TXNRD2: variants seen among roughly 807,000 people sequenced by gnomAD.
TXNRD2 encodes the protein thioredoxin reductase 2.
TXNRD2 carries 67 observed loss-of-function variants against 70.8 expected under a neutral mutation model. That is an observed-to-expected ratio of 0.95 (90% CI 0.78 to 1.16). The LOEUF (loss-of-function observed/expected upper bound fraction) is 1.16, where lower values mean the gene tolerates loss of function less well. Among genes scored for constraint, TXNRD2 ranks in the 50% most tolerant of loss-of-function variants. TXNRD2 has a pLI of 0.00. For synonymous variants in TXNRD2, 301 were observed against 295.8 expected, an observed-to-expected ratio of 1.02 and a Z score of -0.18; for missense variants, 644 against 719.9, an observed-to-expected ratio of 0.89 and a Z score of 1.21.
chr22:19,904,857 G>A (rs1393729622), intron 8 of TXNRD2, among the ~76,000 whole-genome samples: 3 of 152,212 alleles, frequency 2.0e-5, no homozygotes, highest in African/African-American at 7.2e-5. Context: ...ACCCGACTAC[G>A]GGAGGCACTC....
chr22:19,893,126 C>T (rs146897516), intron 11 of TXNRD2, among the ~76,000 whole-genome samples: 21 of 152,276 alleles, frequency 1.4e-4, no homozygotes, highest in African/African-American at 5.1e-4. Context: ...AGTGCATCAC[C>T]CTATGACACA....
chr22:19,918,238 A>C, intron 4 of TXNRD2, 21 bp from the exon 5 acceptor site: 4 of 1,611,646 alleles, frequency 2.5e-6, no homozygotes, highest in Non-Finnish European at 3.4e-6. Context: ...ACGAAACAAA[A>C]TGTAAAATCC....
chr22:19,896,420 CT>C (rs777084191), intron 10 of TXNRD2, among the ~76,000 whole-genome samples: 11 of 152,212 alleles, frequency 7.2e-5, no homozygotes, highest in Admixed American at 6.5e-5. Flanking sequence ...AGAAGCGTGC[CT>C]TCCCCCAGGA....
At chr22:19,917,139 A>C (rs1169793961) in intron 5 of TXNRD2, among the ~76,000 whole-genome samples, 1 of 152,220 alleles carries the variant, frequency 6.6e-6, no homozygotes, top group African/African-American at 2.4e-5. Flanking sequence ...GTGAAAAAGC[A>C]GAAACAGCCC....
intron 8 of TXNRD2, among the ~76,000 whole-genome samples, chr22:19,909,104 G>C (rs1417304568): frequency 6.6e-6 from 1 of 151,628 alleles, no homozygotes; most frequent in African/African-American, 2.4e-5. Flanking sequence ...TACTCAGAGG[G>C]CTGAGACAGG....
intron 8 of TXNRD2, among the ~76,000 whole-genome samples, chr22:19,904,131 C>T (rs925499765): frequency 3.9e-5 from 6 of 152,164 alleles, no homozygotes; most frequent in South Asian, 2.1e-4. Flanking sequence ...TGCGCCAGGG[C>T]GTGGCTATGG....
chr22:19,900,132 C>A (rs908829626), intron 8 of TXNRD2, among the ~76,000 whole-genome samples: 2 of 152,230 alleles, frequency 1.3e-5, no homozygotes, highest in African/African-American at 4.8e-5. Context: ...CAGAACCGCA[C>A]CACTGTCAGG....
intron 2 of TXNRD2, among the ~76,000 whole-genome samples, chr22:19,920,945 T>C (rs1829354299): frequency 6.6e-6 from 1 of 150,924 alleles, no homozygotes; most frequent in African/African-American, 2.5e-5. Flanking sequence ...TACTAAAAAA[T>C]ACAAAAACAA....
At chr22:19,918,781 A>C (rs1267776970) in intron 4 of TXNRD2, 79 bp downstream of exon 4, 1 of 1,566,008 alleles carries the variant, frequency 6.4e-7, no homozygotes, top group South Asian at 1.1e-5. Flanking sequence ...ATGAGGGCTC[A>C]TCGAGGATAA....
rs372803804 is a variant in TXNRD2 at position 19,919,573 on chromosome 22, C to T, written c.199G>A (p.Val67Met). ...EAAQLGRKVA[V>M]VDYVEPSPQG... ...GGAGAAGGTTCCACGTAGTCCACCA[C>T]GGCCACCTTCCTTCCCAGCTGGGCG... is the stretch of plus-strand genomic sequence containing the variant. Residue 67 changes from valine to methionine, a missense_variant, in exon 3 of 18, where the codon GTG becomes ATG. Around this residue, in one of 3 missense-constraint regions of TXNRD2, gnomAD observed 566 missense variants for 645.0 expected, o/e 0.88. Coordinates refer to ENST00000400521, the MANE Select transcript of TXNRD2 (RefSeq NM_006440.5). The T allele has an allele frequency of 6.3e-5, 99 of 1,564,224 alleles. No individual in the cohort carries two copies. Among genetic ancestry groups the T allele is most frequent in the African/African-American group, 3.9e-4 (29 of 73,636 alleles).
At chr22:19,940,439 C>A (rs1941671776) in intron 1 of TXNRD2, among the ~76,000 whole-genome samples, 1 of 151,968 alleles carries the variant, frequency 6.6e-6, no homozygotes, top group African/African-American at 2.4e-5. Context: ...TTGTTCTTTC[C>A]CTTAAAATAG....
At chr22:19,933,356 G>T in intron 1 of TXNRD2, 1 of 991,350 alleles carries the variant, frequency 1.0e-6, no homozygotes. Context: ...CCCCCGGGGA[G>T]CATGAACCTG....
chr22:19,897,623 C>T (rs898040819), intron 10 of TXNRD2, among the ~76,000 whole-genome samples: 1 of 152,202 alleles, frequency 6.6e-6, no homozygotes. Context: ...CCAGCTCACA[C>T]ATTACAGCTT....
chr22:19,880,376 G>A (rs993740657), intron 13 of TXNRD2, 105 bp from the exon 14 acceptor site: 26 of 1,226,434 alleles, frequency 2.1e-5, no homozygotes, highest in Admixed American at 3.9e-5. Flanking sequence ...GACCAGATGC[G>A]CCCAGAGCAG....
chr22:19,918,534 C>T (rs1002437564), intron 4 of TXNRD2, among the ~76,000 whole-genome samples: 1 of 151,984 alleles, frequency 6.6e-6, no homozygotes, highest in Non-Finnish European at 1.5e-5. Context: ...GCCACGTGGT[C>T]CCCTTCCCAG....
At chr22:19,911,353 C>A (rs764805175) in intron 8 of TXNRD2, 24 bp downstream of exon 8, 1 of 1,600,654 alleles carries the variant, frequency 6.2e-7, no homozygotes, top group Non-Finnish European at 8.6e-7. Context: ...AAAGAGGACC[C>A]CACCAAGCAC....
At chr22:19,911,287 C>T (rs1312919014) in intron 8 of TXNRD2, 90 bp downstream of exon 8, 3 of 1,082,882 alleles carry the variant, frequency 2.8e-6, no homozygotes, top group Admixed American at 1.8e-5. Flanking sequence ...AAGAAAGCCC[C>T]AGGAGCCCAG....
chr22:19,918,248 C>G, intron 4 of TXNRD2, 31 bp from the exon 5 acceptor site: 1 of 1,596,648 alleles, frequency 6.3e-7, no homozygotes, highest in Non-Finnish European at 8.6e-7. Context: ...ATGTAAAATC[C>G]ACAACACAGG....
At position 19,919,597 on chromosome 22, in the gene TXNRD2, C is replaced by T. The variant is rs752863555; in HGVS notation, c.175G>A (p.Ala59Thr). 86 of 1,559,198 alleles carry T rather than the reference C, an allele frequency of 5.5e-5. No homozygotes were observed. The highest frequency in any genetic ancestry group is 7.3e-5 in the East Asian group (3 of 40,962). Residue 59 changes from alanine (A) to threonine (T), a missense_variant and splice_region_variant, in exon 3 of 18, where the codon GCC (alanine) becomes ACC (threonine). Transcript: ENST00000400521. Reference sequence around the variant, plus strand: ...ACGGCCACCTTCCTTCCCAGCTGGGCGGCTGGAAGGATAAGGAGAGCAGCA... The same window carrying T: ...ACGGCCACCTTCCTTCCCAGCTGGGTGGCTGGAAGGATAAGGAGAGCAGCA... The part of the protein sequence containing the change: ...SGGLACAKEA[A>T]QLGRKVAVVD...
Sources: allele counts gnomAD v4.1 joint callset (sites outside exome capture counted in the v4.1 genomes callset), GRCh38; gene constraint gnomAD v4.1.1; regional missense constraint gnomAD v4.1.1; transcripts MANE v1.5; gene names NCBI Gene and HGNC (gene_info 2026-07-23, HGNC 2026-07-21).